The following PCDH11X variants were observed in gnomAD, a reference collection of about 807,000 sequenced individuals.
PCDH11X encodes protocadherin-11 X-linked.
Under a neutral mutation model 53.3 loss-of-function variants are expected in PCDH11X, and 18 were observed. The ratio of observed to expected loss-of-function variants is 0.34; its 90% CI spans 0.23 to 0.50. PCDH11X has a LOEUF of 0.50. PCDH11X is among the 20% of genes least tolerant of loss of function. The pLI, the probability that PCDH11X is intolerant of heterozygous loss-of-function variation, is 0.98. For synonymous variants in PCDH11X, 279 were observed against 393.3 expected, an observed-to-expected ratio of 0.71 and a Z score of 3.44; for missense variants, 570 against 1,032.4, an observed-to-expected ratio of 0.55 and a Z score of 6.14.
chrX:92,101,570 A>G (rs1186099533), intron 6 of PCDH11X, among the ~76,000 whole-genome samples: 3 of 111,472 alleles, frequency 2.7e-5, no homozygotes, highest in East Asian at 2.8e-4. Flanking sequence ...ATAAAGGCTT[A>G]TCTGTTATCA....
intron 6 of PCDH11X, among the ~76,000 whole-genome samples, chrX:91,902,957 G>C (rs1415561038): frequency 4.5e-5 from 5 of 110,705 alleles, no homozygotes; most frequent in African/African-American, 6.6e-5. Context: ...TACATGCAAG[G>C]TATGGTGCCA....
intron 7 of PCDH11X, among the ~76,000 whole-genome samples, chrX:92,204,991 TCCACTTGGTCCCA>T (rs771650326): frequency 1.8e-5 from 2 of 111,729 alleles, no homozygotes; most frequent in Non-Finnish European, 1.9e-5. Flanking sequence ...TTCAATTATT[TCCACTTGGTCCCA>T]CCCTTGACAC....
In PCDH11X at chrX:92,231,135, T is replaced by A. The variant is rs766314617; in HGVS notation, c.3114+29680T>A. On this transcript the variant is annotated intron_variant, in intron 7 of 10. Transcript: ENST00000682573. ...AGAGAATGTGTCTATGTATCATAGA[T>A]AACTTCACCCAAATTAGAAACAGAA... is the stretch of plus-strand genomic sequence containing the variant. Among the ~76,000 whole-genome samples, 442 of 111,763 alleles carry A rather than the reference T, an allele frequency of 4.0e-3. 3 individuals are homozygous for A. Among genetic ancestry groups the A allele is most frequent in the Admixed American group, 7.7e-3 (80 of 10,441 alleles).
chrX:92,308,397 G>T (rs2068875604), intron 8 of PCDH11X, among the ~76,000 whole-genome samples: 1 of 111,372 alleles, frequency 9.0e-6, no homozygotes, highest in South Asian at 3.8e-4. Flanking sequence ...CTTTTGAATA[G>T]GGAAAAGACA....
At chrX:91,834,695 C>T (rs1314410005) in intron 4 of PCDH11X, 1 of 109,328 alleles carries the variant, frequency 9.1e-6, no homozygotes, top group Non-Finnish European at 1.9e-5. Context: ...ATGGAATACA[C>T]TCCTGAAATA....
rs753928111 is a variant in PCDH11X at position 92,510,570 on chromosome X, G to A, written c.3367+42248G>A. On this transcript the variant is annotated intron_variant, in intron 10 of 10. Transcript: ENST00000682573. ...AATTTTCAAGGCACTAAATTATCCC[G>A]AAGAGACCTTGAAAAGAGGACTATG... Among the ~76,000 whole-genome samples the A allele has an allele frequency of 5.5e-3, 577 of 105,186 alleles. 8 individuals carry two copies. Among genetic ancestry groups the A allele is most frequent in the African/African-American group, 0.019 (561 of 29,029 alleles). 91.3% of individuals were successfully genotyped at this position (105,186 alleles called of 115,157 possible). A position where few individuals can be genotyped will look rare whatever the true frequency, so the allele number is the denominator to read the frequency against.
chrX:92,426,688 T>C (rs1222353336), intron 9 of PCDH11X, among the ~76,000 whole-genome samples: 1 of 110,115 alleles, frequency 9.1e-6, no homozygotes. Flanking sequence ...TTTGAAAATA[T>C]GATGAAATGG....
At chrX:92,301,132 G>A (rs1003266043) in intron 8 of PCDH11X, among the ~76,000 whole-genome samples, 1 of 111,383 alleles carries the variant, frequency 9.0e-6, no homozygotes, top group Non-Finnish European at 1.9e-5. Flanking sequence ...GCTGGTGCCA[G>A]TAGGCCAGGG....
intron 6 of PCDH11X, among the ~76,000 whole-genome samples, chrX:92,045,202 C>T (rs1569324937): frequency 9.2e-6 from 1 of 109,106 alleles, no homozygotes; most frequent in East Asian, 3.0e-4. Context: ...ATAGAAAGAT[C>T]AATTACACCT....
At chrX:91,874,299 AT>A (rs1939479550) in intron 5 of PCDH11X, among the ~76,000 whole-genome samples, 1 of 110,377 alleles carries the variant, frequency 9.1e-6, no homozygotes, top group African/African-American at 3.3e-5. Context: ...ATGAAATTCT[AT>A]TTTTTCTTAA....
chrX:92,585,163 C>A (rs1314761407), intron 10 of PCDH11X, among the ~76,000 whole-genome samples: 1 of 109,233 alleles, frequency 9.2e-6, no homozygotes, highest in Non-Finnish European at 1.9e-5. Flanking sequence ...ACAAGCAGAT[C>A]TCACTCACTA....
chrX:91,997,298 T>A (rs2062436419), intron 6 of PCDH11X, among the ~76,000 whole-genome samples: 1 of 110,775 alleles, frequency 9.0e-6, no homozygotes, highest in Non-Finnish European at 1.9e-5. Flanking sequence ...ATTCCTTATC[T>A]TAGAGGAAAA....
chrX:92,431,310 T>C (rs1411251686), intron 9 of PCDH11X, among the ~76,000 whole-genome samples: 1 of 110,528 alleles, frequency 9.0e-6, no homozygotes, highest in Non-Finnish European at 1.9e-5. Context: ...ACTCTTTTCA[T>C]AGTTGTATTT....
At chrX:91,981,077 G>A (rs2062128393) in intron 6 of PCDH11X, among the ~76,000 whole-genome samples, 1 of 97,767 alleles carries the variant, frequency 1.0e-5, no homozygotes, top group Admixed American at 1.2e-4. Flanking sequence ...TATATACACT[G>A]AATATATATA....
chrX:91,805,443 A>C (rs1414056455), intron 1 of PCDH11X, among the ~76,000 whole-genome samples: 1 of 111,695 alleles, frequency 9.0e-6, no homozygotes, highest in East Asian at 2.8e-4. Context: ...CTAATATTCC[A>C]AGGTTCTAAT....
At chrX:91,826,370 A>G (rs1000429748) in intron 4 of PCDH11X, among the ~76,000 whole-genome samples, 2 of 111,228 alleles carry the variant, frequency 1.8e-5, no homozygotes, top group African/African-American at 6.6e-5. Flanking sequence ...TTTTATAGTG[A>G]AGTAAAGAAC....
At chrX:92,604,046 A>T (rs1367790996) in intron 10 of PCDH11X, among the ~76,000 whole-genome samples, 2 of 107,925 alleles carry the variant, frequency 1.9e-5, no homozygotes, top group Non-Finnish European at 3.8e-5. Context: ...ATAGAAATTC[A>T]TATACAATAA....
chrX:91,840,321 G>A (rs1344944109), intron 5 of PCDH11X, among the ~76,000 whole-genome samples: 1 of 111,688 alleles, frequency 9.0e-6, no homozygotes, highest in African/African-American at 3.3e-5. Context: ...GCATGACAGT[G>A]TTTCAAAGGT....
intron 8 of PCDH11X, among the ~76,000 whole-genome samples, chrX:92,374,091 A>G (rs2070687286): frequency 9.3e-6 from 1 of 107,078 alleles, no homozygotes; most frequent in Admixed American, 1.0e-4. Flanking sequence ...TTTATATATA[A>G]TTATATTTAA....
Sources: allele counts gnomAD v4.1 joint callset (sites outside exome capture counted in the v4.1 genomes callset), GRCh38; gene constraint gnomAD v4.1.1; transcripts MANE v1.5; gene names NCBI Gene and HGNC (gene_info 2026-07-23, HGNC 2026-07-21).